PASD1: variants seen among roughly 807,000 people sequenced by gnomAD.
The protein encoded by PASD1 is PAS domain containing repressor 1.
In PASD1, 13 loss-of-function variants were observed where a neutral mutation model predicts 58.8. That is an observed-to-expected ratio of 0.22 (90% CI 0.14 to 0.35). The LOEUF (loss-of-function observed/expected upper bound fraction) is 0.35, where lower values mean the gene tolerates loss of function less well. PASD1 is among the 10% of genes least tolerant of loss of function. The probability of loss-of-function intolerance (pLI) is 1.00; values close to 1 mark genes in which losing one functional copy is unlikely to be tolerated. For synonymous variants in PASD1, 236 were observed against 216.7 expected (o/e 1.09, Z -0.78); for missense variants, 734 against 568.3 (o/e 1.29, Z -2.96).
chrX:151,611,837 C>A, intron 4 of PASD1, 84 bp downstream of exon 4: 1 of 718,435 alleles, frequency 1.4e-6, no homozygotes, highest in Non-Finnish European at 2.0e-6. Context: ...TTTTATTATA[C>A]TTTAAGTTTT....
intron 7 of PASD1, 45 bp downstream of exon 7, chrX:151,623,109 C>T (rs764583138): frequency 1.7e-5 from 20 of 1,189,777 alleles, no homozygotes; most frequent in Non-Finnish European, 2.2e-5. Context: ...GCGATGTGGG[C>T]TTCCTTTGAA....
chrX:151,645,935 G>A (rs1023303518), intron 8 of PASD1, among the ~76,000 whole-genome samples: 14 of 15,600 alleles, frequency 9.0e-4, no homozygotes, highest in African/African-American at 1.9e-3. Context: ...TTTTGTTTTC[G>A]GGTCTCGCTC....
intron 4 of PASD1, among the ~76,000 whole-genome samples, chrX:151,613,884 G>GA (rs1258616171): frequency 9.0e-6 from 1 of 111,634 alleles, no homozygotes; most frequent in African/African-American, 3.3e-5. Context: ...AGAAGTCGAA[G>GA]ATTAAGGTGC....
rs1602960752 is a variant in PASD1 at position 151,659,960 on chromosome X, A to C, written c.841+124A>C. 5.0e-6 allele frequency: 3 copies of C among 599,959 alleles called. No individual in the cohort carries two copies. The East Asian group carries it at 1.2e-4, about 23-fold the overall frequency. The allele number at this position is 599,959 out of a possible 1,213,427, so 49.4% of individuals were successfully genotyped here. A position where few individuals can be genotyped will look rare whatever the true frequency, so the allele number is the denominator to read the frequency against. The stretch of plus-strand genomic sequence containing the variant: ...CTGTGAAATCCCAGAGTGAATTCCA[A>C]CTTTCTTCATCTTCTGTAAATATTT... On this transcript the variant is annotated intron_variant, in intron 10 of 15. Transcript: ENST00000370357.
intron 1 of PASD1, among the ~76,000 whole-genome samples, chrX:151,575,835 A>T (rs2012996355): frequency 9.2e-6 from 1 of 108,970 alleles, no homozygotes; most frequent in South Asian, 4.0e-4. Flanking sequence ...CAGCTAATTT[A>T]TTTTTTATTT....
intron 8 of PASD1, among the ~76,000 whole-genome samples, chrX:151,626,982 A>C (rs1435719537): frequency 1.8e-5 from 2 of 111,716 alleles, no homozygotes; most frequent in Non-Finnish European, 3.8e-5. Context: ...CAGTGGGATG[A>C]GAAACAGAAC....
intron 1 of PASD1, among the ~76,000 whole-genome samples, chrX:151,581,267 A>T (rs2013089558): frequency 2.1e-5 from 2 of 97,493 alleles, no homozygotes; most frequent in Admixed American, 2.3e-4. Context: ...ACAGAACTGT[A>T]GCTTAAAAAT....
At chrX:151,613,579 A>G (rs1427630755) in intron 4 of PASD1, among the ~76,000 whole-genome samples, 2 of 111,091 alleles carry the variant, frequency 1.8e-5, no homozygotes, top group African/African-American at 6.6e-5. Flanking sequence ...ACTTTGAAGC[A>G]ATTGCGAATG....
At chrX:151,673,117 A>G (rs772348978) in intron 14 of PASD1, 2 of 129,588 alleles carry the variant, frequency 1.5e-5, no homozygotes, top group Non-Finnish European at 3.1e-5. Context: ...TATGAACAGT[A>G]AGAGGGAAGT....
At position 151,625,461 on chromosome X, in the gene PASD1, C is replaced by T. The variant is rs369014871; in HGVS notation, c.560C>T (p.Ser187Leu). The change falls in exon 8 of 16, where the codon TCA becomes TTA. Residue 187 changes from serine to leucine, a missense_variant. By Grantham distance (145) the Ser-to-Leu change is moderately radical (BLOSUM62 -2). Transcript: ENST00000370357. ...ATTTTTCTGCAGCAACTTTACACTTCAAAGGCAGTCAGTGATGAAGCTGTA... is the reference window on the plus strand; with the variant it reads ...ATTTTTCTGCAGCAACTTTACACTTTAAAGGCAGTCAGTGATGAAGCTGTA... ...RTQLLQQLYT[S>L]KAVSDEAVLT... is the part of the protein sequence containing the mutation. 139 of 1,206,068 alleles carry T rather than the reference C, an allele frequency of 1.2e-4. No individual in the cohort carries two copies. The South Asian group carries it at 1.3e-3, about 12-fold the overall frequency.
chrX:151,605,428 G>A (rs2013475966), intron 3 of PASD1, among the ~76,000 whole-genome samples: 1 of 111,059 alleles, frequency 9.0e-6, no homozygotes, highest in South Asian at 3.8e-4. Flanking sequence ...CTTCAGTACT[G>A]GCTGACCACC....
intron 1 of PASD1, among the ~76,000 whole-genome samples, chrX:151,593,331 G>A (rs1037777488): frequency 2.5e-4 from 27 of 109,553 alleles, no homozygotes; most frequent in African/African-American, 7.7e-4. Flanking sequence ...GTGTCATATT[G>A]GTTTGCTGCA....
chrX:151,660,122 C>G (rs765866248), intron 10 of PASD1, among the ~76,000 whole-genome samples: 1 of 111,921 alleles, frequency 8.9e-6, no homozygotes, highest in Non-Finnish European at 1.9e-5. Flanking sequence ...TTTTTATACT[C>G]GTGTAGTCTA....
intron 8 of PASD1, among the ~76,000 whole-genome samples, chrX:151,632,704 A>G (rs2013883479): frequency 8.9e-6 from 1 of 112,060 alleles, no homozygotes; most frequent in Non-Finnish European, 1.9e-5. Flanking sequence ...GTCTTGTAAT[A>G]TAGTTTTAAA....
chrX:151,618,340 G>A (rs1432430449), intron 4 of PASD1, among the ~76,000 whole-genome samples: 1 of 112,079 alleles, frequency 8.9e-6, no homozygotes, highest in Non-Finnish European at 1.9e-5. Flanking sequence ...ATTGGAATTT[G>A]TGGTTCATCA....
chrX:151,620,498 G>A (rs1441611466), intron 4 of PASD1, among the ~76,000 whole-genome samples: 1 of 110,542 alleles, frequency 9.0e-6, no homozygotes, highest in Non-Finnish European at 1.9e-5. Context: ...AAGGCTCGGG[G>A]GTCGGAGGTT....
chrX:151,639,296 A>C (rs1027591319), intron 8 of PASD1, among the ~76,000 whole-genome samples: 7 of 112,203 alleles, frequency 6.2e-5, no homozygotes, highest in Non-Finnish European at 1.1e-4. Context: ...TACTTATTAC[A>C]ATTTTTAACT....
chrX:151,628,649 G>C (rs944480309), intron 8 of PASD1, among the ~76,000 whole-genome samples: 2 of 111,534 alleles, frequency 1.8e-5, no homozygotes, highest in African/African-American at 6.5e-5. Context: ...TGTTCTTTTG[G>C]CTTAGGATTG....
intron 1 of PASD1, among the ~76,000 whole-genome samples, chrX:151,572,497 A>G (rs1352799313): frequency 8.9e-6 from 1 of 112,011 alleles, no homozygotes; most frequent in Non-Finnish European, 1.9e-5. Context: ...ATAAATACGG[A>G]CTGGGAGTGG....
Sources: gnomAD v4.1 joint callset for allele counts (sites outside exome capture counted in the v4.1 genomes callset) on GRCh38, gnomAD v4.1.1 for gene constraint, MANE v1.5 for transcripts, NCBI Gene and HGNC (gene_info 2026-07-23, HGNC 2026-07-21) for gene names.